The following THSD4 variants were observed in gnomAD, a reference collection of about 807,000 sequenced individuals.
THSD4 encodes thrombospondin type 1 domain containing 4.
THSD4 carries 69 observed loss-of-function variants against 119.0 expected under a neutral mutation model. The observed-to-expected ratio is 0.58, with a 90% CI of 0.48 to 0.71. The LOEUF is 0.71. THSD4 is among the 30% of genes least tolerant of loss of function. The probability of loss-of-function intolerance (pLI) is 0.00; values close to 1 mark genes in which losing one functional copy is unlikely to be tolerated. For synonymous variants in THSD4, 524 were observed against 540.4 expected (o/e 0.97, Z 0.42); for missense variants, 1,393 against 1,391.1 (o/e 1.00, Z -0.02).
chr15:71,650,048 GTC>G (rs1206637136), intron 7 of THSD4, among the ~76,000 whole-genome samples: 1 of 152,144 alleles, frequency 6.6e-6, no homozygotes, highest in Non-Finnish European at 1.5e-5. Flanking sequence ...ACCTCAGAAT[GTC>G]TCTGAGTCAT....
intron 3 of THSD4, among the ~76,000 whole-genome samples, chr15:71,190,156 C>T (rs2043658198): frequency 6.6e-6 from 1 of 152,240 alleles, no homozygotes; most frequent in Admixed American, 6.5e-5. Flanking sequence ...AGGTCCCTCT[C>T]ATCTCTCTGT....
At chr15:71,293,467 G>A (rs11072268) in intron 6 of THSD4, among the ~76,000 whole-genome samples, 84,918 of 151,626 alleles carry the variant, frequency 0.56, 24,237 homozygotes, top group African/African-American at 0.66. Flanking sequence ...CCCTGCTTGG[G>A]GAGGAGCATG....
intron 6 of THSD4, among the ~76,000 whole-genome samples, chr15:71,369,863 TC>T (rs2046019288): frequency 6.6e-6 from 1 of 152,196 alleles, no homozygotes; most frequent in African/African-American, 2.4e-5. Flanking sequence ...TGGTACCAGT[TC>T]CTCCTTGTAC....
chr15:71,715,890 A>G (rs2141101496), intron 8 of THSD4, among the ~76,000 whole-genome samples: 1 of 152,200 alleles, frequency 6.6e-6, no homozygotes, highest in East Asian at 1.9e-4. Context: ...ACCACCAAAC[A>G]TGCCAACCCT....
At chr15:71,156,728 A>T (rs961965204) in intron 3 of THSD4, among the ~76,000 whole-genome samples, 1 of 152,192 alleles carries the variant, frequency 6.6e-6, no homozygotes, top group Non-Finnish European at 1.5e-5. Flanking sequence ...TTTCTGGGCC[A>T]GGTATAAACC....
intron 4 of THSD4, among the ~76,000 whole-genome samples, chr15:71,219,056 A>G (rs1048103202): frequency 6.6e-6 from 1 of 152,072 alleles, no homozygotes; most frequent in African/African-American, 2.4e-5. Context: ...TGCAAAATCA[A>G]TCTTAGATGG....
chr15:71,442,996 A>G (rs1263658171), intron 7 of THSD4, among the ~76,000 whole-genome samples: 3 of 151,946 alleles, frequency 2.0e-5, no homozygotes, highest in African/African-American at 7.3e-5. Flanking sequence ...CCTTGAGGGC[A>G]GACCCAGGAA....
At chr15:71,256,438 G>A (rs2044317089) in intron 5 of THSD4, among the ~76,000 whole-genome samples, 175 bp from the exon 6 acceptor site, 1 of 149,958 alleles carries the variant, frequency 6.7e-6, no homozygotes, top group Non-Finnish European at 1.5e-5. Flanking sequence ...TTGGGCCACT[G>A]CACTCCAGCC....
intron 6 of THSD4, among the ~76,000 whole-genome samples, chr15:71,268,624 G>A (rs1390741877): frequency 7.4e-6 from 1 of 135,518 alleles, no homozygotes; most frequent in African/African-American, 2.6e-5. Context: ...AACTGAAGGA[G>A]ATAGAGACAT....
intron 5 of THSD4, among the ~76,000 whole-genome samples, chr15:71,253,612 T>C (rs1340092246): frequency 1.3e-5 from 2 of 152,118 alleles, no homozygotes; most frequent in Non-Finnish European, 2.9e-5. Context: ...TTACACTATA[T>C]TGGCAGGCTG....
chr15:71,369,232 A>G (rs911404481), intron 6 of THSD4, among the ~76,000 whole-genome samples: 21 of 152,216 alleles, frequency 1.4e-4, no homozygotes, highest in African/African-American at 2.9e-4. Context: ...TGCAAACAGG[A>G]ACAATTTGAC....
intron 1 of THSD4, among the ~76,000 whole-genome samples, chr15:71,128,091 A>C (rs921856279): frequency 4.6e-5 from 7 of 152,204 alleles, no homozygotes; most frequent in African/African-American, 1.4e-4. Context: ...AAATATAATA[A>C]CAAAAATAAA....
intron 7 of THSD4, among the ~76,000 whole-genome samples, chr15:71,548,166 A>T (rs1250557028): frequency 6.7e-6 from 1 of 149,896 alleles, no homozygotes; most frequent in Non-Finnish European, 1.5e-5. Context: ...AGAGATTGGG[A>T]TAGATGATCA....
rs373264927 is a variant in THSD4 at position 71,212,553 on chromosome 15, A to G, written c.100-2482A>G. 2.0e-5 allele frequency among the ~76,000 whole-genome samples: 3 copies of G among 152,346 alleles called. No homozygotes were observed. In the East Asian group the frequency reaches 5.8e-4, roughly 29 times the overall value. Reference sequence around the variant, plus strand: ...AACTGAAATCTCCAAATGTGCCAGAAACATATTTCTGCCTTTGTTCGTTTA... The same window carrying G: ...AACTGAAATCTCCAAATGTGCCAGAGACATATTTCTGCCTTTGTTCGTTTA... On this transcript the variant is annotated intron_variant, in intron 3 of 17. Coordinates refer to ENST00000261862, the MANE Select transcript of THSD4 (RefSeq NM_024817.3).
intron 7 of THSD4, among the ~76,000 whole-genome samples, chr15:71,616,776 G>T (rs150272284): frequency 2.6e-5 from 4 of 152,204 alleles, no homozygotes; most frequent in Admixed American, 2.6e-4. Context: ...TGGGCAAGAG[G>T]CTTGGATTGG....
intron 1 of THSD4, among the ~76,000 whole-genome samples, chr15:71,137,892 A>G (rs2040565842): frequency 6.6e-6 from 1 of 152,236 alleles, no homozygotes; most frequent in Non-Finnish European, 1.5e-5. Flanking sequence ...TTATTTTGTT[A>G]CTATCAGCAG....
intron 7 of THSD4, among the ~76,000 whole-genome samples, chr15:71,509,128 C>T (rs936876892): frequency 3.9e-5 from 6 of 152,078 alleles, no homozygotes; most frequent in Non-Finnish European, 5.9e-5. Flanking sequence ...ACATGATCCC[C>T]TTTACCTGAC....
At chr15:71,367,894 C>T (rs1451133623) in intron 6 of THSD4, among the ~76,000 whole-genome samples, 1 of 152,170 alleles carries the variant, frequency 6.6e-6, no homozygotes, top group African/African-American at 2.4e-5. Flanking sequence ...GTTTACAGTC[C>T]CACCAACAGT....
At chr15:71,107,720 G>A (rs920492361) in intron 1 of THSD4, among the ~76,000 whole-genome samples, 2 of 152,144 alleles carry the variant, frequency 1.3e-5, no homozygotes, top group African/African-American at 4.8e-5. Flanking sequence ...TAGCTAGCCA[G>A]AAAAAAGGGA....
Sources: allele counts gnomAD v4.1 joint callset (sites outside exome capture counted in the v4.1 genomes callset), GRCh38; gene constraint gnomAD v4.1.1; transcripts MANE v1.5; gene names NCBI Gene and HGNC (gene_info 2026-07-23, HGNC 2026-07-21).